SIL1: variants seen among roughly 807,000 people sequenced by gnomAD.
SIL1 encodes the protein SIL1 nucleotide exchange factor, also known as nucleotide exchange factor SIL1.
A neutral mutation model predicts 49.1 loss-of-function variants in SIL1; 40 were observed. The ratio of observed to expected loss-of-function variants is 0.81; its 90% CI spans 0.63 to 1.06. The LOEUF is 1.06. Among genes scored for constraint, SIL1 ranks in the 50% least tolerant of loss-of-function variants. The probability of loss-of-function intolerance (pLI) is 0.00; values close to 1 mark genes in which losing one functional copy is unlikely to be tolerated. For synonymous variants in SIL1, 253 were observed against 250.8 expected (o/e 1.01, Z -0.08); for missense variants, 500 against 572.6 (o/e 0.87, Z 1.29).
intron 7 of SIL1, among the ~76,000 whole-genome samples, chr5:138,976,870 T>G (rs1767404805): frequency 6.6e-6 from 1 of 152,076 alleles, no homozygotes; most frequent in African/African-American, 2.4e-5. Context: ...CAAGCAAAGC[T>G]CTAATCATTA....
intron 7 of SIL1, 87 bp from the exon 8 acceptor site, chr5:138,951,971 TG>T (rs1766791226): frequency 1.7e-6 from 2 of 1,201,454 alleles, no homozygotes; most frequent in East Asian, 4.6e-5. Context: ...CAGCCATCCC[TG>T]GGGAGAAACA....
chr5:139,175,022 G>A (rs1751850454), intron 1 of SIL1, among the ~76,000 whole-genome samples: 2 of 150,286 alleles, frequency 1.3e-5, no homozygotes, highest in Middle Eastern at 3.6e-3. Flanking sequence ...AAATGAAAAG[G>A]ATTATAAGAG....
At chr5:139,128,648 C>T (rs1250127809) in intron 1 of SIL1, among the ~76,000 whole-genome samples, 1 of 134,350 alleles carries the variant, frequency 7.4e-6, no homozygotes, top group Non-Finnish European at 1.7e-5. Flanking sequence ...GACCCCATCC[C>T]TCCAAAAAAA....
intron 7 of SIL1, among the ~76,000 whole-genome samples, chr5:139,016,345 G>A (rs758011933): frequency 6.6e-6 from 1 of 152,152 alleles, no homozygotes; most frequent in Non-Finnish European, 1.5e-5. Context: ...ACTTTCTTGA[G>A]TTTGAGGTGC....
At chr5:139,176,380 C>T (rs906211670) in intron 1 of SIL1, among the ~76,000 whole-genome samples, 5 of 152,166 alleles carry the variant, frequency 3.3e-5, no homozygotes, top group African/African-American at 9.7e-5. Context: ...CATGGCAATG[C>T]ACCTCAAAAC....
intron 7 of SIL1, among the ~76,000 whole-genome samples, chr5:139,009,180 C>T (rs1243910546): frequency 3.5e-4 from 52 of 147,882 alleles, no homozygotes; most frequent in South Asian, 2.0e-3. Flanking sequence ...GGATAGTTAG[C>T]TCTTCTTGTT....
At chr5:139,152,467 A>G (rs1751323279) in intron 1 of SIL1, among the ~76,000 whole-genome samples, 1 of 151,828 alleles carries the variant, frequency 6.6e-6, no homozygotes, top group South Asian at 2.1e-4. Flanking sequence ...CTAAAAATAC[A>G]AAAATTAGCC....
intron 1 of SIL1, among the ~76,000 whole-genome samples, chr5:139,153,446 C>T (rs1751348077): frequency 6.6e-6 from 1 of 152,218 alleles, no homozygotes. Context: ...TTCTGCCTAA[C>T]TAGCTCAAGA....
intron 3 of SIL1, among the ~76,000 whole-genome samples, chr5:139,068,287 C>A (rs889994082): frequency 6.6e-6 from 1 of 152,152 alleles, no homozygotes; most frequent in African/African-American, 2.4e-5. Context: ...ACCTAAGTAG[C>A]TGATAGGCAT....
intron 3 of SIL1, among the ~76,000 whole-genome samples, chr5:139,104,101 A>G (rs779170207): frequency 6.6e-6 from 1 of 152,214 alleles, no homozygotes; most frequent in Non-Finnish European, 1.5e-5. Context: ...ATTTGTCCTA[A>G]GTCTCTCCCT....
intron 7 of SIL1, among the ~76,000 whole-genome samples, chr5:139,005,005 G>T (rs759988234): frequency 1.4e-4 from 21 of 152,070 alleles, no homozygotes; most frequent in Admixed American, 5.2e-4. Flanking sequence ...TTGAGATGTT[G>T]GTCAAAGGAT....
At chr5:139,162,528 C>G (rs1751532994) in intron 1 of SIL1, among the ~76,000 whole-genome samples, 1 of 152,166 alleles carries the variant, frequency 6.6e-6, no homozygotes, top group East Asian at 1.9e-4. Context: ...AATGGCCTCT[C>G]CACAGACTGT....
intron 3 of SIL1, among the ~76,000 whole-genome samples, chr5:139,103,245 A>C (rs1770631325): frequency 6.6e-6 from 1 of 152,162 alleles, no homozygotes; most frequent in Non-Finnish European, 1.5e-5. Context: ...TGAGCATTGC[A>C]CAGGCCTGTC....
At chr5:139,116,005 A>G (rs981061337) in intron 3 of SIL1, among the ~76,000 whole-genome samples, 2 of 152,202 alleles carry the variant, frequency 1.3e-5, no homozygotes, top group Admixed American at 6.5e-5. Context: ...ACTTGGTGTC[A>G]GAGGAGTGGA....
At chr5:139,027,708 T>C (rs1166381680) in intron 5 of SIL1, among the ~76,000 whole-genome samples, 1 of 152,244 alleles carries the variant, frequency 6.6e-6, no homozygotes, top group Admixed American at 6.5e-5. Flanking sequence ...ATTTTATACA[T>C]GTGACACTGT....
At chr5:138,998,852 CTTTTTT>C (rs35074969) in intron 7 of SIL1, among the ~76,000 whole-genome samples, 1 of 98,802 alleles carries the variant, frequency 1.0e-5, no homozygotes, top group African/African-American at 4.3e-5. Context: ...ATTATCTTTC[CTTTTTT>C]TTTTTTTTTT....
chr5:139,142,029 C>T (rs1386043053), intron 1 of SIL1, among the ~76,000 whole-genome samples: 3 of 152,196 alleles, frequency 2.0e-5, no homozygotes, highest in African/African-American at 7.2e-5. Flanking sequence ...AACTTAGCAA[C>T]TTGACCCTGT....
intron 3 of SIL1, among the ~76,000 whole-genome samples, chr5:139,116,060 C>A (rs552236779): frequency 1.3e-5 from 2 of 152,334 alleles, no homozygotes; most frequent in African/African-American, 2.4e-5. Flanking sequence ...AGAGGCCCAA[C>A]AGAAACAGTG....
intron 3 of SIL1, among the ~76,000 whole-genome samples, chr5:139,120,131 C>T (rs962355759): frequency 2.6e-5 from 4 of 152,220 alleles, no homozygotes; most frequent in Non-Finnish European, 4.4e-5. Flanking sequence ...GCAGTGGGGG[C>T]AGTGAGGACA....
Sources: allele counts gnomAD v4.1 joint callset (sites outside exome capture counted in the v4.1 genomes callset), GRCh38; gene constraint gnomAD v4.1.1; transcripts MANE v1.5; gene names NCBI Gene and HGNC (gene_info 2026-07-23, HGNC 2026-07-21).